Variants in PPP2R2C observed in about 807,000 individuals in gnomAD.
The protein encoded by PPP2R2C is protein phosphatase 2 regulatory subunit Bgamma, also known as protein phosphatase 2, regulatory subunit B, gamma.
Under a neutral mutation model 45.3 loss-of-function variants are expected in PPP2R2C, and 10 were observed. The ratio of observed to expected loss-of-function variants is 0.22; its 90% confidence interval spans 0.14 to 0.37. The LOEUF (loss-of-function observed/expected upper bound fraction) is 0.37, where lower values mean the gene tolerates loss of function less well. PPP2R2C is among the 10% of genes least tolerant of loss of function. The probability of loss-of-function intolerance (pLI) is 1.00; values close to 1 mark genes in which losing one functional copy is unlikely to be tolerated. For missense variants in PPP2R2C, 308 were observed against 619.7 expected, an observed-to-expected ratio of 0.50 and a Z score of 5.34; for synonymous variants, 257 against 245.4, an observed-to-expected ratio of 1.05 and a Z score of -0.44.
rs1055976777 is a variant in PPP2R2C at position 6,329,880 on chromosome 4, C to T, written c.961-527G>A. Among the ~76,000 whole-genome samples the T allele has an allele frequency of 1.3e-5, 2 of 152,126 alleles. No homozygotes were observed. The highest frequency in any genetic ancestry group is 2.4e-5 in the African/African-American group (1 of 41,420). The stretch of plus-strand genomic sequence containing the variant: ...TCATCTCTCTGAGCCTCAGTTTCTT[C>T]AAACTTAAAGTGATAAGAGGGCGAA... On this transcript the variant is annotated intron_variant, in intron 7 of 8. Coordinates refer to ENST00000382599, the MANE Select transcript of PPP2R2C (RefSeq NM_020416.4). This position sits in a 1 kb window ranked among gnomAD's most constrained non-coding sequence, Gnocchi z 5.8.
intron 1 of PPP2R2C, among the ~76,000 whole-genome samples, chr4:6,548,221 A>G (rs1350649578): frequency 7.0e-6 from 1 of 143,694 alleles, no homozygotes; most frequent in Non-Finnish European, 1.6e-5. Context: ...CTGTCTTAAA[A>G]GAAAAAGAAG....
intron 1 of PPP2R2C, among the ~76,000 whole-genome samples, chr4:6,444,578 C>G (rs56736928): frequency 0.017 from 2,601 of 152,252 alleles, 78 homozygotes; most frequent in African/African-American, 0.059. Context: ...CCCCTTATTT[C>G]CTATTTTTCC....
At chr4:6,431,061 G>A (rs1356606371) in intron 1 of PPP2R2C, among the ~76,000 whole-genome samples, 3 of 152,204 alleles carry the variant, frequency 2.0e-5, no homozygotes, top group East Asian at 3.8e-4. Context: ...TGGGGTTGGG[G>A]TTACTAGGGA....
intron 5 of PPP2R2C, chr4:6,348,960 C>T (rs1407489035): frequency 2.1e-5 from 20 of 956,180 alleles, no homozygotes; most frequent in South Asian, 4.8e-5. Context: ...ATGAGCAACT[C>T]GTCCGGGGTG....
intron 1 of PPP2R2C, among the ~76,000 whole-genome samples, chr4:6,462,901 C>A (rs937465683): frequency 6.6e-6 from 1 of 152,186 alleles, no homozygotes; most frequent in Non-Finnish European, 1.5e-5. Flanking sequence ...TATTTTCTCA[C>A]AAATGCAAAG....
intron 4 of PPP2R2C, among the ~76,000 whole-genome samples, chr4:6,374,680 C>T (rs1468847435): frequency 2.0e-5 from 3 of 152,292 alleles, no homozygotes; most frequent in Non-Finnish European, 2.9e-5. Context: ...CCGCACTGAG[C>T]GCCAGTGTGA....
intron 2 of PPP2R2C, among the ~76,000 whole-genome samples, chr4:6,488,888 G>C (rs773125651): frequency 6.6e-6 from 1 of 152,152 alleles, no homozygotes; most frequent in Non-Finnish European, 1.5e-5. Context: ...GACTGTGTGC[G>C]TGCTCTAAGT....
chr4:6,488,282 A>C (rs916962337), intron 2 of PPP2R2C, among the ~76,000 whole-genome samples: 4 of 152,118 alleles, frequency 2.6e-5, no homozygotes, highest in African/African-American at 9.7e-5. Flanking sequence ...GTAATTTTTT[A>C]CTGGATGCCA....
At chr4:6,502,829 C>T (rs1424566561) in intron 2 of PPP2R2C, among the ~76,000 whole-genome samples, 1 of 152,106 alleles carries the variant, frequency 6.6e-6, no homozygotes, top group African/African-American at 2.4e-5. Context: ...GTCACTGGAG[C>T]CGAAAAACCT....
chr4:6,454,952 C>A (rs903895428), intron 1 of PPP2R2C, among the ~76,000 whole-genome samples: 4 of 152,182 alleles, frequency 2.6e-5, no homozygotes, highest in Non-Finnish European at 4.4e-5. Context: ...GTTATGCCTG[C>A]AGAGATAGGT....
intron 5 of PPP2R2C, among the ~76,000 whole-genome samples, chr4:6,372,225 G>C (rs1475573154): frequency 6.6e-6 from 1 of 152,240 alleles, no homozygotes; most frequent in African/African-American, 2.4e-5. Flanking sequence ...GCTGAACCCT[G>C]AACTCTGTCT....
At chr4:6,339,703 G>C (rs1339894049) in intron 6 of PPP2R2C, among the ~76,000 whole-genome samples, 4 of 152,260 alleles carry the variant, frequency 2.6e-5, no homozygotes, top group Non-Finnish European at 5.9e-5. Context: ...GGGACCTGCA[G>C]GTGGGTGGAG....
intron 1 of PPP2R2C, among the ~76,000 whole-genome samples, chr4:6,464,552 A>C (rs902434777): frequency 1.3e-5 from 2 of 152,250 alleles, no homozygotes; most frequent in Non-Finnish European, 2.9e-5. Flanking sequence ...GCTGAACAAA[A>C]GGAAAAAATG....
intron 2 of PPP2R2C, among the ~76,000 whole-genome samples, chr4:6,527,428 C>A (rs917261413): frequency 4.7e-5 from 7 of 147,404 alleles, no homozygotes; most frequent in Non-Finnish European, 1.0e-4. Context: ...TCTCCTGGTG[C>A]CCCAGACGGT....
intron 1 of PPP2R2C, among the ~76,000 whole-genome samples, chr4:6,450,077 G>A (rs1380044550): frequency 1.3e-5 from 2 of 152,204 alleles, no homozygotes; most frequent in African/African-American, 2.4e-5. Context: ...ATTAGCTCTG[G>A]GAGACACTGG....
intron 1 of PPP2R2C, among the ~76,000 whole-genome samples, chr4:6,399,559 T>C (rs1016069618): frequency 3.3e-5 from 5 of 152,200 alleles, no homozygotes; most frequent in South Asian, 4.1e-4. Flanking sequence ...AATTCATTAA[T>C]TGCATGCTGA....
At chr4:6,455,509 C>A (rs2108751078) in intron 1 of PPP2R2C, among the ~76,000 whole-genome samples, 1 of 152,284 alleles carries the variant, frequency 6.6e-6, no homozygotes, top group African/African-American at 2.4e-5. Context: ...CTCCAGCACA[C>A]TGGGCAGCTC....
chr4:6,323,709 G>T, intron 8 of PPP2R2C, 116 bp from the exon 9 acceptor site: 1 of 1,110,410 alleles, frequency 9.0e-7, no homozygotes, highest in Non-Finnish European at 1.2e-6. Flanking sequence ...GCCCCGGTGG[G>T]AGGATTGCTT....
chr4:6,346,552 G>A (rs922232234), intron 6 of PPP2R2C, among the ~76,000 whole-genome samples: 6 of 152,310 alleles, frequency 3.9e-5, no homozygotes, highest in South Asian at 2.1e-4. Flanking sequence ...AGCTCCCGAC[G>A]GTGGGCCTCT....
Sources: allele counts gnomAD v4.1 joint callset (sites outside exome capture counted in the v4.1 genomes callset), GRCh38; gene constraint gnomAD v4.1.1; non-coding constraint Gnocchi (gnomAD v3.1); transcripts MANE v1.5; gene names NCBI Gene and HGNC (gene_info 2026-07-23, HGNC 2026-07-21).